Variants in WIPF3 observed in about 807,000 individuals in gnomAD.
WIPF3 encodes the protein WAS/WASL-interacting protein family member 3.
Under a neutral mutation model 38.9 loss-of-function variants are expected in WIPF3, and 33 were observed. The observed-to-expected ratio is 0.85, with a 90% CI of 0.64 to 1.14. The LOEUF (loss-of-function observed/expected upper bound fraction) is 1.14. WIPF3 is among the 50% of genes most tolerant of loss of function. The pLI, the probability that WIPF3 is intolerant of heterozygous loss-of-function variation, is 0.00. For synonymous variants in WIPF3, 324 were observed against 269.3 expected (o/e 1.20, Z -1.99); for missense variants, 711 against 652.5 (o/e 1.09, Z -0.98).
intron 4 of WIPF3, among the ~76,000 whole-genome samples, chr7:29,881,532 T>G (rs746960595): frequency 4.6e-5 from 7 of 152,210 alleles, no homozygotes; most frequent in Non-Finnish European, 1.0e-4. Flanking sequence ...GATCAAAGAA[T>G]GTATTTGTCT....
At chr7:29,835,882 C>T (rs1784791937) in intron 2 of WIPF3, among the ~76,000 whole-genome samples, 1 of 152,198 alleles carries the variant, frequency 6.6e-6, no homozygotes, top group South Asian at 2.1e-4. Flanking sequence ...GCAACCCTCC[C>T]TCAGATGTGC....
At chr7:29,873,343 CTTA>C (rs1436341590) in intron 2 of WIPF3, among the ~76,000 whole-genome samples, 1 of 152,128 alleles carries the variant, frequency 6.6e-6, no homozygotes, top group African/African-American at 2.4e-5. Context: ...GGGTTATCTT[CTTA>C]TACTAGAAGG....
rs986025753 is a variant in WIPF3 at position 29,875,537 on chromosome 7, G to A, written c.91-293G>A. On this transcript the variant is annotated intron_variant, in intron 2 of 8. Transcript: ENST00000242140. ...GGACAGAAGCCCTGGGGTGGGGAGT[G>A]TAAGAGAGAGGAAAGAGGGGCTATG... Among the ~76,000 whole-genome samples the A allele has an allele frequency of 1.1e-4, 17 of 152,114 alleles. 1 individual carries two copies. Among genetic ancestry groups the A allele is most frequent in the African/African-American group, 3.9e-4 (16 of 41,440 alleles).
intron 6 of WIPF3, 81 bp from the exon 7 acceptor site, chr7:29,889,225 A>G (rs1402265003): frequency 1.0e-5 from 12 of 1,160,950 alleles, no homozygotes; most frequent in Non-Finnish European, 1.4e-5. Flanking sequence ...CAGTCAGAGT[A>G]ATCTCTGTGC....
chr7:29,810,967 C>T (rs955787724), intron 1 of WIPF3, among the ~76,000 whole-genome samples: 1 of 152,168 alleles, frequency 6.6e-6, no homozygotes, highest in Non-Finnish European at 1.5e-5. Flanking sequence ...CAGCTCACTA[C>T]TGCCTCCAAC....
chr7:29,837,713 ATAAT>A (rs1270808121), intron 2 of WIPF3, among the ~76,000 whole-genome samples: 13 of 152,320 alleles, frequency 8.5e-5, no homozygotes, highest in African/African-American at 3.1e-4. Context: ...TTAAAGGCAA[ATAAT>A]TAACGTCTTT....
At chr7:29,811,624 G>T (rs973943164) in intron 1 of WIPF3, among the ~76,000 whole-genome samples, 2 of 152,176 alleles carry the variant, frequency 1.3e-5, no homozygotes, top group African/African-American at 4.8e-5. Flanking sequence ...TGAAACCTGG[G>T]ATAACTTTCT....
intron 7 of WIPF3, among the ~76,000 whole-genome samples, chr7:29,902,457 A>C (rs1393323644): frequency 6.6e-6 from 1 of 152,044 alleles, no homozygotes; most frequent in East Asian, 1.9e-4. Flanking sequence ...TCTACGTGAT[A>C]GTCCAATTTA....
chr7:29,828,121 G>A (rs1351001905), intron 1 of WIPF3, among the ~76,000 whole-genome samples: 2 of 152,104 alleles, frequency 1.3e-5, no homozygotes, highest in African/African-American at 2.4e-5. Flanking sequence ...TCAGATGGTG[G>A]CAGTAATCTT....
At chr7:29,808,359 A>G (rs1784319306) in intron 1 of WIPF3, among the ~76,000 whole-genome samples, 1 of 152,272 alleles carries the variant, frequency 6.6e-6, no homozygotes, top group Admixed American at 6.5e-5. Context: ...CTTTATGTGC[A>G]TCACCTCCTG....
intron 2 of WIPF3, among the ~76,000 whole-genome samples, chr7:29,852,946 C>T (rs551287816): frequency 5.7e-4 from 87 of 152,316 alleles, no homozygotes; most frequent in African/African-American, 2.1e-3. Context: ...AAAAACATCT[C>T]CCCATAGAAT....
At chr7:29,904,134 T>C (rs1017689132) in intron 7 of WIPF3, among the ~76,000 whole-genome samples, 152 bp from the exon 8 acceptor site, 1 of 152,206 alleles carries the variant, frequency 6.6e-6, no homozygotes, top group Non-Finnish European at 1.5e-5. Flanking sequence ...GTCTTTGACA[T>C]AGAAGATGGG....
intron 2 of WIPF3, among the ~76,000 whole-genome samples, chr7:29,872,661 TGGC>T (rs1275272478): frequency 6.6e-5 from 10 of 151,668 alleles, no homozygotes; most frequent in Non-Finnish European, 1.2e-4. Flanking sequence ...CCGGGCGTGG[TGGC>T]GGGCGCCTGT....
At chr7:29,902,274 C>CTTTTTTT (rs11407234) in intron 7 of WIPF3, among the ~76,000 whole-genome samples, 1 of 104,106 alleles carries the variant, frequency 9.6e-6, no homozygotes, top group Non-Finnish European at 1.8e-5. Flanking sequence ...TCTTCTTCTT[C>CTTTTTTT]TTTTTTTTTT....
rs574232442 is a variant in WIPF3, at chr7:29,858,799, A to AGGAG, written c.91-17028_91-17025dup. 6.6e-5 allele frequency among the ~76,000 whole-genome samples: 10 copies of AGGAG among 152,306 alleles called. No individual in the cohort carries two copies. The South Asian group carries it at 1.0e-3, about 16-fold the overall frequency. On this transcript the variant is annotated intron_variant, in intron 2 of 8. Transcript: ENST00000242140. Reference sequence around the variant, plus strand: ...TATTAATATACAAAGAGTGTCATTAAGGAGGGTATGTTGTATGAGTCACAC... The same window carrying AGGAG: ...TATTAATATACAAAGAGTGTCATTAAGGAGGGAGGGTATGTTGTATGAGTCACAC...
intron 7 of WIPF3, among the ~76,000 whole-genome samples, chr7:29,899,925 A>T (rs1041952300): frequency 1.3e-5 from 2 of 152,158 alleles, no homozygotes; most frequent in Non-Finnish European, 2.9e-5. Context: ...TTATTTATTT[A>T]TTCATTTATT....
chr7:29,815,651 C>T (rs978925330), intron 1 of WIPF3, among the ~76,000 whole-genome samples: 3 of 152,198 alleles, frequency 2.0e-5, no homozygotes, highest in Non-Finnish European at 4.4e-5. Flanking sequence ...CACCAGCATG[C>T]TTGTGTTCTC....
rs769628491 is a variant in WIPF3, at chr7:29,834,707, A to T, written c.-18A>T. ...TCTTGGGACCATTCATAAGCAGGAG[A>T]CATCAACACCGTGACACATGCCAGT... On this transcript the variant is annotated 5_prime_UTR_variant, in exon 2 of 9. Coordinates refer to ENST00000242140, the MANE Select transcript of WIPF3 (RefSeq NM_001080529.3). The T allele has an allele frequency of 6.5e-5, 97 of 1,481,092 alleles. No homozygotes were observed. Among genetic ancestry groups the T allele is most frequent in the Non-Finnish European group, 8.5e-5 (95 of 1,117,026 alleles). 91.7% of individuals were successfully genotyped at this position (1,481,092 alleles called of 1,614,324 possible). A position where few individuals can be genotyped will look rare whatever the true frequency, so the allele number is the denominator to read the frequency against.
At chr7:29,907,048 G>C (rs1562792154) in intron 8 of WIPF3, among the ~76,000 whole-genome samples, 1 of 152,154 alleles carries the variant, frequency 6.6e-6, no homozygotes, top group Non-Finnish European at 1.5e-5. Context: ...CAAATGAAAG[G>C]ACACGAAACA....
Sources: allele counts gnomAD v4.1 joint callset (sites outside exome capture counted in the v4.1 genomes callset), GRCh38; gene constraint gnomAD v4.1.1; transcripts MANE v1.5; gene names NCBI Gene and HGNC (gene_info 2026-07-23, HGNC 2026-07-21).